Variants in NPAT observed in about 807,000 individuals in gnomAD.
NPAT encodes the protein nuclear protein, coactivator of histone transcription.
In NPAT, 52 loss-of-function variants were observed where a neutral mutation model predicts 130.7. That is an observed-to-expected ratio of 0.40 (90% CI 0.32 to 0.50). The LOEUF is 0.50. NPAT is among the 20% of genes least tolerant of loss of function. The pLI is 0.68. For synonymous variants in NPAT, 580 were observed against 584.8 expected, an observed-to-expected ratio of 0.99 and a Z score of 0.12; for missense variants, 1,687 against 1,662.6, an observed-to-expected ratio of 1.01 and a Z score of -0.26.
chr11:108,189,741 G>C (rs941460969), intron 5 of NPAT, among the ~76,000 whole-genome samples: 1 of 151,322 alleles, frequency 6.6e-6, no homozygotes, highest in South Asian at 2.1e-4. Context: ...GTGGTAGCGG[G>C]CGCCTGTAGT....
In NPAT at chr11:108,158,490, T is replaced by C. The variant is rs1435298129; in HGVS notation, c.*452A>G. On this transcript the variant is annotated 3_prime_UTR_variant, in exon 18 of 18. Transcript: ENST00000278612. ...AGTACTTAGTGATTGTGTATTTAAA[T>C]GTCTTATTGAATAGTTACTGAAGGT... The C allele has an allele frequency of 6.4e-6, 1 of 156,984 alleles. No individual in the cohort carries two copies. The highest frequency in any genetic ancestry group is 1.4e-5 in the Non-Finnish European group (1 of 70,964). 9.7% of individuals were successfully genotyped at this position (156,984 alleles called of 1,614,324 possible).
rs1439002405 is a variant in NPAT at position 108,158,403 on chromosome 11, T to A, written c.*539A>T. On this transcript the variant is annotated 3_prime_UTR_variant, in exon 18 of 18. Transcript: ENST00000278612. ...GTAGTATTCACTCTAGGAAAAAAACTCATCAAACTGTTGATTTCTAATTAG... is the reference window on the plus strand; with the variant it reads ...GTAGTATTCACTCTAGGAAAAAAACACATCAAACTGTTGATTTCTAATTAG... 6.5e-6 allele frequency: 1 copy of A among 153,098 alleles called. No individual in the cohort carries two copies. The highest frequency in any genetic ancestry group is 1.5e-5 in the Non-Finnish European group (1 of 68,612). The allele number at this position is 153,098 out of a possible 1,614,324, so 9.5% of individuals were successfully genotyped here. A position where few individuals can be genotyped will look rare whatever the true frequency, so the allele number is the denominator to read the frequency against.
rs376313110 is a variant in NPAT at position 108,210,042 on chromosome 11, C to T, written c.37+12458G>A. 6.0e-5 allele frequency among the ~76,000 whole-genome samples: 9 copies of T among 148,854 alleles called. No homozygotes were observed. The South Asian group carries it at 6.4e-4, about 11-fold the overall frequency. ...AAAACAAAAGCTAGTTCTCTGAAAACGTCAACAATGTTGACAATTCTGTAG... is the reference window on the plus strand; with the variant it reads ...AAAACAAAAGCTAGTTCTCTGAAAATGTCAACAATGTTGACAATTCTGTAG... On this transcript the variant is annotated intron_variant, in intron 1 of 17. Coordinates refer to ENST00000278612, the MANE Select transcript of NPAT (RefSeq NM_002519.3).
chr11:108,162,439 C>CT (rs1419412696), intron 15 of NPAT, among the ~76,000 whole-genome samples: 2 of 152,142 alleles, frequency 1.3e-5, no homozygotes, highest in Admixed American at 1.3e-4. Context: ...TTATGTTTGT[C>CT]TGTTTTTCTG....
chr11:108,169,711 T>C (rs755052604), intron 15 of NPAT, 33 bp downstream of exon 15: 1 of 1,413,444 alleles, frequency 7.1e-7, no homozygotes, highest in Admixed American at 1.7e-5. Context: ...CATACAAACA[T>C]AAAGTTAACA....
Position 108,169,934 on chromosome 11 carries a change from A to T in NPAT, c.2895T>A (p.Pro965=). The change falls in exon 14 of 18, where the codon CCT becomes CCA. Residue 965 remains proline (P), a synonymous_variant. Transcript: ENST00000278612. ...TTCAGTTCATAAATCTTACCTGCCGAGGAGGAGTAGAAAAGTTATTTCCAT... is the reference window on the plus strand; with the variant it reads ...TTCAGTTCATAAATCTTACCTGCCGTGGAGGAGTAGAAAAGTTATTTCCAT... ...GQNGNNFSTP[P]RQVLHMPLTA... The T allele has an allele frequency of 6.2e-7, 1 of 1,613,058 alleles. No individual in the cohort carries two copies. The highest frequency in any genetic ancestry group is 8.5e-7 in the Non-Finnish European group (1 of 1,179,052).
intron 17 of NPAT, 35 bp downstream of exon 17, chr11:108,160,845 A>AG (rs369473516): frequency 1.3e-6 from 2 of 1,575,298 alleles, no homozygotes; most frequent in African/African-American, 2.7e-5. Flanking sequence ...CGGAAAAAAA[A>AG]GGTGTGGTTT....
chr11:108,191,018 T>C (rs1212504362), intron 4 of NPAT, among the ~76,000 whole-genome samples: 1 of 152,190 alleles, frequency 6.6e-6, no homozygotes, highest in African/African-American at 2.4e-5. Context: ...ACAAGAGCTA[T>C]GATCACACCA....
chr11:108,179,476 G>A (rs1330695763), intron 10 of NPAT, among the ~76,000 whole-genome samples: 5 of 152,142 alleles, frequency 3.3e-5, no homozygotes, highest in Admixed American at 6.5e-5. Context: ...CTGACCTCAA[G>A]TGACCCTCCC....
rs2077960095 is a variant in NPAT, at chr11:108,172,389, G to A, written c.2595C>T (p.Asn865=). 2 of 1,614,084 alleles carry A rather than the reference G, an allele frequency of 1.2e-6. No homozygotes were observed. The highest frequency in any genetic ancestry group is 1.7e-6 in the Non-Finnish European group (2 of 1,180,044). ...CAGTCACACAGGTAGCTATCAGAAT[G>A]TTATTTGAATTGCCAAAAGCTGTGC... ...ATSTAFGNSN[N]ILIATCVTDP... The change falls in exon 13 of 18, where the codon AAC becomes AAT. Residue 865 remains asparagine, a synonymous_variant. Coordinates refer to ENST00000278612, the MANE Select transcript of NPAT (RefSeq NM_002519.3).
At chr11:108,167,347 G>T (rs1383230449) in intron 15 of NPAT, among the ~76,000 whole-genome samples, 1 of 152,112 alleles carries the variant, frequency 6.6e-6, no homozygotes, top group Admixed American at 6.5e-5. Flanking sequence ...GAATAGTTGG[G>T]ACTACTATCT....
At chr11:108,184,779 C>G (rs1289559072) in intron 10 of NPAT, among the ~76,000 whole-genome samples, 3 of 152,224 alleles carry the variant, frequency 2.0e-5, no homozygotes, top group Non-Finnish European at 4.4e-5. Flanking sequence ...GATCTGCCCT[C>G]CTTGGCCTGC....
chr11:108,186,550 T>C lies in NPAT; in HGVS notation c.658A>G (p.Thr220Ala), dbSNP rs749199059. The C allele has an allele frequency of 6.2e-7, 1 of 1,613,954 alleles. No individual in the cohort carries two copies. The highest frequency in any genetic ancestry group is 1.1e-5 in the South Asian group (1 of 91,086). ...GTTGAATGAGGGCCAGACAAAGTGG[T>C]ACTTTTTCTCTGAGATTCACTGAAA... ...RRKSESQRKS[T>A]TLSGPHSTIR... is the part of the protein sequence containing the mutation. Residue 220 changes from threonine to alanine, a missense_variant, in exon 8 of 18, where the codon ACC becomes GCC. Physicochemically the swap from Thr to Ala is moderately conservative, Grantham distance 58. This residue lies in a region of NPAT where 307 missense variants were observed against 298.9 expected (regional missense o/e 1.03). Coordinates refer to ENST00000278612, the MANE Select transcript of NPAT (RefSeq NM_002519.3).
chr11:108,203,430 T>A (rs1289927838), intron 1 of NPAT, among the ~76,000 whole-genome samples: 3 of 152,188 alleles, frequency 2.0e-5, no homozygotes, highest in African/African-American at 7.2e-5. Flanking sequence ...TTTCTACTCC[T>A]ATGGCAGTAA....
rs74874463 is a variant in NPAT at position 108,171,742 on chromosome 11, C to T, written c.2785+457G>A. ...CCTCAGGTGATCGATCGGCCCACCT[C>T]GGCCTCCCAAAGTGCTGGGATTACA... On this transcript the variant is annotated intron_variant, in intron 13 of 17. Transcript: ENST00000278612. The T allele has an allele frequency of 2.3e-3, 367 of 161,268 alleles. 11 individuals are homozygous for T. In the East Asian group the frequency reaches 0.043, roughly 19 times the overall value. The allele number at this position is 161,268 out of a possible 1,614,324, so 10.0% of individuals were successfully genotyped here.
At chr11:108,159,974 A>G (rs997814546) in intron 17 of NPAT, among the ~76,000 whole-genome samples, 10 of 152,008 alleles carry the variant, frequency 6.6e-5, no homozygotes, top group South Asian at 2.1e-4. Context: ...AACACGGTGA[A>G]ACCCCATCTC....
intron 10 of NPAT, among the ~76,000 whole-genome samples, chr11:108,179,148 G>C (rs2078035832): frequency 6.6e-6 from 1 of 152,232 alleles, no homozygotes; most frequent in African/African-American, 2.4e-5. Context: ...TCAAGATATA[G>C]AGTTGGGAAA....
At chr11:108,172,028 T>C (rs925035416) in intron 13 of NPAT, 171 bp downstream of exon 13, 1 of 627,532 alleles carries the variant, frequency 1.6e-6, no homozygotes, top group Non-Finnish European at 2.8e-6. Context: ...TTAAGAAAAA[T>C]AAAAAAGGTT....
chr11:108,217,806 A>G (rs1555049081), intron 1 of NPAT, among the ~76,000 whole-genome samples: 1 of 152,140 alleles, frequency 6.6e-6, no homozygotes, highest in Non-Finnish European at 1.5e-5. Flanking sequence ...CAGCCTGGCC[A>G]ATATGGTGAA....
Sources: allele counts gnomAD v4.1 joint callset (sites outside exome capture counted in the v4.1 genomes callset), GRCh38; gene constraint gnomAD v4.1.1; regional missense constraint gnomAD v4.1.1; transcripts MANE v1.5; gene names NCBI Gene and HGNC (gene_info 2026-07-23, HGNC 2026-07-21).